SPATA31H1: variants seen among roughly 807,000 people sequenced by gnomAD.
SPATA31H1 encodes spermatogenesis-associated protein 31H1.
the SPATA31H1 span, chr2:27,574,852 T>C: frequency 7.5e-6 from 3 of 398,520 alleles, no homozygotes; most frequent in Non-Finnish European, 1.3e-5. Context: ...GTAAAATCTA[T>C]GGAGTTCAGT....
At chr2:27,580,254 G>C in the SPATA31H1 span, 2 of 1,614,026 alleles carry the variant, frequency 1.2e-6, no homozygotes, top group Non-Finnish European at 1.7e-6. Flanking sequence ...CCCTGCTCCT[G>C]TACAAGTCTA....
the SPATA31H1 span, among the ~76,000 whole-genome samples, chr2:27,544,629 G>C: frequency 6.7e-6 from 1 of 148,934 alleles, no homozygotes; most frequent in African/African-American, 2.5e-5. Flanking sequence ...CTGCCTCCCA[G>C]ATTCAAGCGA....
At chr2:27,552,096 G>A in the SPATA31H1 span, among the ~76,000 whole-genome samples, 6 of 152,114 alleles carry the variant, frequency 3.9e-5, no homozygotes, top group African/African-American at 1.2e-4. Context: ...TTACAGGTGT[G>A]AGCCACCGTG....
chr2:27,542,426 A>T, the SPATA31H1 span, among the ~76,000 whole-genome samples: 1 of 152,026 alleles, frequency 6.6e-6, no homozygotes, highest in Admixed American at 6.5e-5. Flanking sequence ...AATAAAATTT[A>T]GTTCCTCTAT....
chr2:27,545,432 G>A, the SPATA31H1 span, among the ~76,000 whole-genome samples: 1 of 151,982 alleles, frequency 6.6e-6, no homozygotes, highest in East Asian at 1.9e-4. Context: ...TCCAATAGGA[G>A]AGGAATTGCT....
At chr2:27,570,157 A>T in the SPATA31H1 span, 1 of 398,900 alleles carries the variant, frequency 2.5e-6, no homozygotes, top group East Asian at 3.6e-5. Context: ...GGTTTCAAAC[A>T]TATGCAGTTG....
the SPATA31H1 span, among the ~76,000 whole-genome samples, chr2:27,546,483 A>T: frequency 6.6e-6 from 1 of 152,046 alleles, no homozygotes; most frequent in African/African-American, 2.4e-5. Flanking sequence ...TGAACACAAA[A>T]TGTAAGGAAC....
chr2:27,578,714 T>A, the SPATA31H1 span: 13 of 1,614,158 alleles, frequency 8.1e-6, no homozygotes, highest in Non-Finnish European at 1.1e-5. Context: ...ATAGGGACTG[T>A]CAGAAGTTAA....
the SPATA31H1 span, chr2:27,577,534 T>C: frequency 6.2e-7 from 1 of 1,614,028 alleles, no homozygotes; most frequent in Non-Finnish European, 8.5e-7. This position sits in a 1 kb window ranked among gnomAD's most constrained non-coding sequence, Gnocchi z 4.5. Flanking sequence ...TGTGTGGAGG[T>C]GATCTCTGAG....
the SPATA31H1 span, chr2:27,566,124 T>C: frequency 1.4e-6 from 1 of 717,350 alleles, no homozygotes; most frequent in African/African-American, 1.7e-5. Flanking sequence ...CTTCAGCCTA[T>C]TCTACTGATA....
At chr2:27,579,642 C>G in the SPATA31H1 span, 1 of 1,614,144 alleles carries the variant, frequency 6.2e-7, no homozygotes, top group Admixed American at 1.7e-5. Context: ...AGGGGGCCAG[C>G]TTCCTGTCCT....
At chr2:27,559,593 T>C in the SPATA31H1 span, among the ~76,000 whole-genome samples, 1 of 152,180 alleles carries the variant, frequency 6.6e-6, no homozygotes. Context: ...AAACTGGTGC[T>C]TTTTTTCTTT....
the SPATA31H1 span, chr2:27,579,687 G>A: frequency 3.7e-6 from 6 of 1,614,120 alleles, no homozygotes; most frequent in South Asian, 4.4e-5. Context: ...CATATTTTAC[G>A]ATAGAGAAGA....
chr2:27,543,598 T>C, the SPATA31H1 span, among the ~76,000 whole-genome samples: 253 of 151,894 alleles, frequency 1.7e-3, 1 homozygote, highest in East Asian at 0.02. Flanking sequence ...ACCTTTGTGT[T>C]GTATAAGAAC....
At chr2:27,541,430 G>GGGGAGAT in the SPATA31H1 span, among the ~76,000 whole-genome samples, 1 of 151,794 alleles carries the variant, frequency 6.6e-6, no homozygotes, top group Non-Finnish European at 1.5e-5. Context: ...AGAGGGGAGA[G>GGGGAGAT]GGAGAGGGAG....
chr2:27,542,021 C>T, the SPATA31H1 span, among the ~76,000 whole-genome samples: 1 of 152,018 alleles, frequency 6.6e-6, no homozygotes, highest in Non-Finnish European at 1.5e-5. Context: ...AATCCACACA[C>T]CTCAGCCTTC....
chr2:27,570,354 G>A, the SPATA31H1 span: 1 of 398,734 alleles, frequency 2.5e-6, no homozygotes, highest in Non-Finnish European at 4.4e-6. Flanking sequence ...AAAATCTGAG[G>A]AAGTAAACCT....
At chr2:27,559,523 C>T in the SPATA31H1 span, among the ~76,000 whole-genome samples, 30 of 152,184 alleles carry the variant, frequency 2.0e-4, no homozygotes, top group Admixed American at 7.9e-4. Context: ...CATATTTTGT[C>T]CAACTTTTCT....
chr2:27,580,762 G>C, the SPATA31H1 span: 1 of 1,614,172 alleles, frequency 6.2e-7, no homozygotes, highest in Non-Finnish European at 8.5e-7. Flanking sequence ...CAAAATGCCA[G>C]GGACTATTGC....
Sources: gnomAD v4.1 joint callset for allele counts (sites outside exome capture counted in the v4.1 genomes callset) on GRCh38, gnomAD v4.1.1 for gene constraint, Gnocchi (gnomAD v3.1) non-coding constraint, MANE v1.5 for transcripts, NCBI Gene and HGNC (gene_info 2026-07-23, HGNC 2026-07-21) for gene names.